The following SCHIP1 variants were observed in gnomAD, a reference collection of about 807,000 sequenced individuals.
SCHIP1 encodes schwannomin interacting protein 1.
In SCHIP1, 8 loss-of-function variants were observed where a neutral mutation model predicts 29.7. That is an observed-to-expected ratio of 0.27 (90% CI 0.16 to 0.49). The LOEUF is 0.49. SCHIP1 is among the 20% of genes least tolerant of loss of function. The probability of loss-of-function intolerance (pLI) is 0.99; values close to 1 mark genes in which losing one functional copy is unlikely to be tolerated. For synonymous variants in SCHIP1, 76 were observed against 94.9 expected, an observed-to-expected ratio of 0.80 and a Z score of 1.16; for missense variants, 193 against 294.6, an observed-to-expected ratio of 0.66 and a Z score of 2.52.
At chr3:159,672,449 C>A in the SCHIP1 span, among the ~76,000 whole-genome samples, 3 of 152,220 alleles carry the variant, frequency 2.0e-5, no homozygotes, top group African/African-American at 7.2e-5. Context: ...TAGTTTCTAG[C>A]TAAGCCAAGA....
the SCHIP1 span, among the ~76,000 whole-genome samples, chr3:159,432,954 T>C: frequency 6.6e-6 from 1 of 152,172 alleles, no homozygotes; most frequent in Non-Finnish European, 1.5e-5. Flanking sequence ...ACCTCCCTTG[T>C]CCAGCTGCTT....
the SCHIP1 span, among the ~76,000 whole-genome samples, chr3:159,766,967 G>A: frequency 1.3e-5 from 2 of 152,138 alleles, no homozygotes; most frequent in Admixed American, 6.5e-5. Flanking sequence ...TGAACAGTTT[G>A]CATATTTGCA....
the SCHIP1 span, among the ~76,000 whole-genome samples, chr3:159,668,610 G>C: frequency 6.6e-6 from 1 of 152,084 alleles, no homozygotes; most frequent in Non-Finnish European, 1.5e-5. Flanking sequence ...CACACGCTCT[G>C]CTGGGACCTG....
intron 2 of SCHIP1, among the ~76,000 whole-genome samples, chr3:159,881,477 G>A (rs527800142): frequency 1.3e-5 from 2 of 152,284 alleles, no homozygotes; most frequent in African/African-American, 4.8e-5. Context: ...ATGCATGTTC[G>A]AAGTCCCTGG....
At chr3:159,740,771 G>GAAAAAAAAAAAAAAAAAA in the SCHIP1 span, among the ~76,000 whole-genome samples, 3 of 104,874 alleles carry the variant, frequency 2.9e-5, no homozygotes, top group East Asian at 2.8e-4. Context: ...CAAAAAAAAA[G>GAAAAAAAAAAAAAAAAAA]AAAAAAAAAA....
At chr3:159,461,958 C>G in the SCHIP1 span, among the ~76,000 whole-genome samples, 1 of 152,070 alleles carries the variant, frequency 6.6e-6, no homozygotes, top group South Asian at 2.1e-4. Flanking sequence ...GCCTGTAATC[C>G]TAGCACTTTG....
the SCHIP1 span, chr3:159,282,684 T>G: frequency 6.9e-6 from 1 of 145,280 alleles, no homozygotes; most frequent in Non-Finnish European, 1.5e-5. Context: ...TCTCTACTAG[T>G]TTGTAGTAGT....
chr3:159,637,371 CCACACACACACACACACACACACA>C, the SCHIP1 span, among the ~76,000 whole-genome samples: 3 of 134,576 alleles, frequency 2.2e-5, no homozygotes, highest in African/African-American at 5.4e-5. Context: ...CCGGCCCCAG[CCACACACACACACACACACACACA>C]CACACACACA....
the SCHIP1 span, among the ~76,000 whole-genome samples, chr3:159,726,256 C>T: frequency 2.0e-5 from 3 of 152,284 alleles, no homozygotes; most frequent in South Asian, 6.2e-4. Flanking sequence ...GTTAGTAGGA[C>T]GGCTTCTGCT....
At chr3:159,522,001 T>A in the SCHIP1 span, among the ~76,000 whole-genome samples, 1 of 152,208 alleles carries the variant, frequency 6.6e-6, no homozygotes, top group Non-Finnish European at 1.5e-5. Context: ...CAATTAAAAA[T>A]TTTAAATATC....
the SCHIP1 span, among the ~76,000 whole-genome samples, chr3:159,626,179 T>TAGATAG: frequency 2.8e-3 from 304 of 106,968 alleles, 16 homozygotes; most frequent in South Asian, 6.1e-3. Context: ...TATCTATCTA[T>TAGATAG]CTAGATAGAT....
chr3:159,439,370 C>T, the SCHIP1 span, among the ~76,000 whole-genome samples: 5 of 152,028 alleles, frequency 3.3e-5, no homozygotes, highest in Admixed American at 2.0e-4. Flanking sequence ...CTTCAAAAGG[C>T]GGCAGGAAGG....
At chr3:159,794,423 C>T in the SCHIP1 span, among the ~76,000 whole-genome samples, 3 of 152,182 alleles carry the variant, frequency 2.0e-5, no homozygotes, top group Non-Finnish European at 4.4e-5. Flanking sequence ...TGAAATGGTG[C>T]ATTGCTGAAG....
At chr3:159,603,956 C>T in the SCHIP1 span, among the ~76,000 whole-genome samples, 1 of 152,170 alleles carries the variant, frequency 6.6e-6, no homozygotes, top group African/African-American at 2.4e-5. Context: ...CATCACTAAC[C>T]CACTCCCTTG....
At chr3:159,744,520 A>G in the SCHIP1 span, among the ~76,000 whole-genome samples, 1 of 152,252 alleles carries the variant, frequency 6.6e-6, no homozygotes, top group East Asian at 1.9e-4. Flanking sequence ...TCAGAGAAAT[A>G]CTTTTCCCCC....
the SCHIP1 span, among the ~76,000 whole-genome samples, chr3:159,831,505 T>C: frequency 2.0e-5 from 3 of 152,334 alleles, no homozygotes; most frequent in Admixed American, 1.3e-4. Flanking sequence ...GTTTAATTTA[T>C]AAATTAGGTA....
chr3:159,375,009 T>C, the SCHIP1 span, among the ~76,000 whole-genome samples: 1 of 152,252 alleles, frequency 6.6e-6, no homozygotes, highest in Non-Finnish European at 1.5e-5. Context: ...AAAAAACTAA[T>C]ATTTTAGATG....
chr3:159,744,739 A>G, the SCHIP1 span, among the ~76,000 whole-genome samples: 1 of 152,174 alleles, frequency 6.6e-6, no homozygotes, highest in African/African-American at 2.4e-5. Flanking sequence ...GCACTTTGGG[A>G]GGCCGAGGCG....
the SCHIP1 span, among the ~76,000 whole-genome samples, chr3:159,704,072 C>T: frequency 4.6e-5 from 7 of 152,132 alleles, no homozygotes; most frequent in Non-Finnish European, 8.8e-5. Flanking sequence ...GTCTTTCCTA[C>T]GTTGAGTGCC....
Sources: allele counts gnomAD v4.1 joint callset (sites outside exome capture counted in the v4.1 genomes callset), GRCh38; gene constraint gnomAD v4.1.1; transcripts MANE v1.5; gene names NCBI Gene and HGNC (gene_info 2026-07-23, HGNC 2026-07-21).